C4orf50: variants seen among roughly 807,000 people sequenced by gnomAD.
C4orf50 encodes chromosome 4 open reading frame 50.
Under a neutral mutation model 77.2 loss-of-function variants are expected in C4orf50, and 80 were observed. That is an observed-to-expected ratio of 1.04 (90% CI 0.87 to 1.25). The LOEUF is 1.25. Ranked by LOEUF, C4orf50 falls within the 50% of genes most tolerant of loss-of-function variation. The pLI, the probability that C4orf50 is intolerant of heterozygous loss-of-function variation, is 0.00. For synonymous variants in C4orf50, 532 were observed against 465.3 expected (o/e 1.14, Z -1.84); for missense variants, 1,257 against 1,152.9 (o/e 1.09, Z -1.31).
chr4:5,964,188 G>T (rs1293238050), intron 33 of C4orf50, among the ~76,000 whole-genome samples: 1 of 152,168 alleles, frequency 6.6e-6, no homozygotes, highest in Non-Finnish European at 1.5e-5. Context: ...GTGCAGGAAG[G>T]AGCCAGCTGA....
chr4:6,013,616 C>T (rs1407325709), intron 23 of C4orf50, among the ~76,000 whole-genome samples: 1 of 152,128 alleles, frequency 6.6e-6, no homozygotes, highest in African/African-American at 2.4e-5. Context: ...GATCCGGATT[C>T]ACCTGCTGGT....
rs907060279 is a variant in C4orf50, at chr4:6,015,730, A to G, written c.287+2415T>C. ...TCTCCGAGGCTGAAGGGGAAATCCA[A>G]TTCCTGGTCTTCTCCAGGTCTAGAG... is the stretch of plus-strand genomic sequence containing the variant. On this transcript the variant is annotated intron_variant, in intron 23 of 33. Coordinates refer to ENST00000531445, the Ensembl canonical transcript of C4orf50. The surrounding 1 kb of genome is among the most constrained non-coding windows in gnomAD (Gnocchi z 4.4). Among the ~76,000 whole-genome samples, 6 of 152,096 alleles carry G rather than the reference A, an allele frequency of 3.9e-5. No individual in the cohort carries two copies. Among genetic ancestry groups the G allele is most frequent in the African/African-American group, 1.4e-4 (6 of 41,406 alleles).
chr4:5,956,576 G>A (rs76664692), downstream of C4orf50: 1,563 of 152,418 alleles, frequency 0.01, 17 homozygotes, highest in Middle Eastern at 0.041. Flanking sequence ...AACAAGCCAG[G>A]CAGCAGGGAG....
exon 28 of C4orf50, chr4:5,989,091 G>A (rs935834649): frequency 5.9e-6 from 9 of 1,536,000 alleles, no homozygotes; most frequent in Non-Finnish European, 7.0e-6. Flanking sequence ...ACTGAGAGAT[G>A]TCCCCTACCA....
At chr4:5,996,426 G>A (rs547072446) in intron 25 of C4orf50, among the ~76,000 whole-genome samples, 12 of 151,858 alleles carry the variant, frequency 7.9e-5, no homozygotes, top group East Asian at 7.8e-4. Context: ...AACCCCCGCC[G>A]GCCTCACTGC....
intron 7 of C4orf50, among the ~76,000 whole-genome samples, chr4:5,939,212 C>T (rs1027807430): frequency 2.0e-5 from 3 of 152,002 alleles, no homozygotes; most frequent in African/African-American, 7.3e-5. Context: ...CATTGCACTC[C>T]AGCATGGGCA....
chr4:5,934,614 G>T (rs1340700524), intron 7 of C4orf50, among the ~76,000 whole-genome samples: 3 of 152,140 alleles, frequency 2.0e-5, no homozygotes, highest in Admixed American at 6.5e-5. Context: ...CAAACCACCT[G>T]CCCCAGGCCA....
intron 29 of C4orf50, among the ~76,000 whole-genome samples, chr4:5,976,997 T>C (rs998029577): frequency 9.2e-5 from 14 of 152,356 alleles, no homozygotes; most frequent in African/African-American, 3.4e-4. Context: ...GGGTCTCTTC[T>C]GTTTCTGAGC....
chr4:5,963,254 C>T (rs544052160), intron 33 of C4orf50, among the ~76,000 whole-genome samples: 2 of 152,054 alleles, frequency 1.3e-5, no homozygotes, highest in Admixed American at 6.6e-5. Context: ...CTCAGCCCCT[C>T]GAAGTGCTGG....
intron 7 of C4orf50, among the ~76,000 whole-genome samples, chr4:5,911,145 A>G (rs1379111023): frequency 1.3e-5 from 2 of 151,946 alleles, no homozygotes; most frequent in South Asian, 2.1e-4. Context: ...TCCTGACCTC[A>G]TGATCCACCT....
intron 29 of C4orf50, among the ~76,000 whole-genome samples, chr4:5,976,597 A>G (rs1720302229): frequency 1.3e-5 from 2 of 152,234 alleles, no homozygotes; most frequent in Non-Finnish European, 2.9e-5. Context: ...CCTGAGCCAG[A>G]CAGCAGGGGT....
chr4:5,942,927 T>A (rs990477361), intron 7 of C4orf50, among the ~76,000 whole-genome samples: 1 of 152,252 alleles, frequency 6.6e-6, no homozygotes, highest in South Asian at 2.1e-4. Context: ...TGGAATTCCA[T>A]GTGTTTTTGT....
At chr4:5,921,349 TG>T (rs1717259962) in intron 7 of C4orf50, among the ~76,000 whole-genome samples, 1 of 152,144 alleles carries the variant, frequency 6.6e-6, no homozygotes, top group East Asian at 1.9e-4. Context: ...AGTCAGGCGG[TG>T]GGCTGGGGGA....
chr4:5,914,604 T>G (rs556624643), intron 7 of C4orf50, among the ~76,000 whole-genome samples: 2 of 152,226 alleles, frequency 1.3e-5, no homozygotes, highest in Non-Finnish European at 2.9e-5. Context: ...GTTTGAATTT[T>G]TAATACCTAT....
At chr4:5,998,172 C>T (rs185079579) in intron 25 of C4orf50, among the ~76,000 whole-genome samples, 11 of 152,322 alleles carry the variant, frequency 7.2e-5, no homozygotes, top group South Asian at 2.1e-4. Context: ...AAACACCACA[C>T]GGCTGCAGGC....
At chr4:5,926,296 T>G (rs1184649262) in intron 7 of C4orf50, among the ~76,000 whole-genome samples, 1 of 152,148 alleles carries the variant, frequency 6.6e-6, no homozygotes, top group African/African-American at 2.4e-5. Flanking sequence ...CGGCGGAGGC[T>G]GACCTTGAAA....
intron 7 of C4orf50, among the ~76,000 whole-genome samples, chr4:5,946,836 T>C (rs1718502178): frequency 6.6e-6 from 1 of 152,266 alleles, no homozygotes; most frequent in Non-Finnish European, 1.5e-5. Flanking sequence ...ACATCTGCGA[T>C]GAGCACCCTT....
rs536945212 is a variant in C4orf50, at chr4:6,015,904, C to T, written c.287+2241G>A. ...GTGATTGGTCTTAGAGACCAGCCGG[C>T]GAATCTGGGTCCATATCCCCATGTC... On this transcript the variant is annotated intron_variant, in intron 23 of 33. Transcript: ENST00000531445. The surrounding 1 kb of genome is among the most constrained non-coding windows in gnomAD (Gnocchi z 4.4). Among the ~76,000 whole-genome samples, 2 of 152,180 alleles carry T rather than the reference C, an allele frequency of 1.3e-5. No individual in the cohort carries two copies. The highest frequency in any genetic ancestry group is 1.9e-4 in the East Asian group (1 of 5,164).
intron 25 of C4orf50, among the ~76,000 whole-genome samples, chr4:5,995,337 C>G (rs887704363): frequency 6.6e-6 from 1 of 152,198 alleles, no homozygotes; most frequent in African/African-American, 2.4e-5. Context: ...AATGCGACTG[C>G]CCGGTACCTT....
Sources: gnomAD v4.1 joint callset for allele counts (sites outside exome capture counted in the v4.1 genomes callset) on GRCh38, gnomAD v4.1.1 for gene constraint, Gnocchi (gnomAD v3.1) non-coding constraint, MANE v1.5 for transcripts, NCBI Gene and HGNC (gene_info 2026-07-23, HGNC 2026-07-21) for gene names.